The following PTTG1IP2 variants were observed in gnomAD, a reference collection of about 807,000 sequenced individuals.
PTTG1IP2 encodes PTTG1IP family member 2.
In PTTG1IP2 at chr7:90,504,559, G is replaced by T. The variant is rs868326050; in HGVS notation, c.*51-8719G>T. Among the ~76,000 whole-genome samples, 4 of 152,128 alleles carry T rather than the reference G, an allele frequency of 2.6e-5. No homozygotes were observed. In the South Asian group the frequency reaches 6.2e-4, roughly 24 times the overall value. ...GACCATACATAAATGAATGTATGTG[G>T]CTGTGTTTCAATAAATTTTTATTTA... On this transcript the variant is annotated intron_variant, in intron 6 of 6. Coordinates refer to ENST00000509356, the MANE Select transcript of PTTG1IP2 (RefSeq NM_001365443.2).
chr7:90,513,110 A>G (rs895950333), intron 6 of PTTG1IP2, among the ~76,000 whole-genome samples, 168 bp from the exon 7 acceptor site: 2 of 152,246 alleles, frequency 1.3e-5, no homozygotes, highest in Non-Finnish European at 2.9e-5. Flanking sequence ...GTTGATAATC[A>G]TTAACCATGT....
chr7:90,481,934 A>G (rs920575742), intron 2 of PTTG1IP2, among the ~76,000 whole-genome samples: 2 of 152,198 alleles, frequency 1.3e-5, no homozygotes, highest in Non-Finnish European at 2.9e-5. Flanking sequence ...GTAACATGAT[A>G]GATACTTTTT....
intron 6 of PTTG1IP2, among the ~76,000 whole-genome samples, chr7:90,501,719 A>C (rs1798063406): frequency 6.6e-6 from 1 of 152,164 alleles, no homozygotes; most frequent in South Asian, 2.1e-4. Flanking sequence ...AATCATCTGA[A>C]CATTTAGAAA....
intron 6 of PTTG1IP2, among the ~76,000 whole-genome samples, chr7:90,503,021 T>C (rs1197924206): frequency 1.3e-5 from 2 of 152,336 alleles, no homozygotes; most frequent in East Asian, 3.9e-4. Context: ...TTTGTTTATA[T>C]TGAGAATCTA....
At chr7:90,504,662 A>G (rs1454928871) in intron 6 of PTTG1IP2, among the ~76,000 whole-genome samples, 2 of 152,202 alleles carry the variant, frequency 1.3e-5, no homozygotes, top group Non-Finnish European at 2.9e-5. Context: ...CAGAAAGATC[A>G]CTGAATGGCT....
intron 6 of PTTG1IP2, among the ~76,000 whole-genome samples, chr7:90,506,215 A>T (rs575843035): frequency 6.6e-6 from 1 of 151,632 alleles, no homozygotes; most frequent in South Asian, 2.1e-4. Flanking sequence ...GTTCTATTAA[A>T]TTTTTTTTCT....
At chr7:90,476,071 A>G (rs1797745233) in intron 1 of PTTG1IP2, among the ~76,000 whole-genome samples, 2 of 152,172 alleles carry the variant, frequency 1.3e-5, no homozygotes, top group Non-Finnish European at 2.9e-5. Flanking sequence ...ACATTTGGAC[A>G]CTTGAAGAGT....
chr7:90,484,214 C>T (rs978956137), intron 2 of PTTG1IP2, among the ~76,000 whole-genome samples: 3 of 151,022 alleles, frequency 2.0e-5, no homozygotes, highest in South Asian at 2.1e-4. Context: ...TCTTTTCTTT[C>T]ACCTGGAAAA....
intron 1 of PTTG1IP2, among the ~76,000 whole-genome samples, chr7:90,473,276 G>T (rs553036473): frequency 2.4e-4 from 36 of 152,240 alleles, no homozygotes; most frequent in African/African-American, 8.4e-4. Flanking sequence ...AAGAGGGAAA[G>T]GTCTTTCACA....
chr7:90,491,333 A>G (rs1404866493), intron 4 of PTTG1IP2, among the ~76,000 whole-genome samples: 1 of 152,244 alleles, frequency 6.6e-6, no homozygotes, highest in Non-Finnish European at 1.5e-5. Flanking sequence ...AATAAGCAAG[A>G]AAGATCAGGC....
intron 1 of PTTG1IP2, among the ~76,000 whole-genome samples, chr7:90,472,719 C>T (rs1417229722): frequency 6.6e-6 from 1 of 152,140 alleles, no homozygotes; most frequent in Non-Finnish European, 1.5e-5. Flanking sequence ...AACTTCTCAG[C>T]CTCTTTCATC....
At chr7:90,487,877 C>T (rs1797894084) in intron 3 of PTTG1IP2, among the ~76,000 whole-genome samples, 1 of 152,018 alleles carries the variant, frequency 6.6e-6, no homozygotes, top group Admixed American at 6.5e-5. Context: ...TTTTTATAAG[C>T]TAGTCCTGGT....
chr7:90,482,990 A>G (rs1797830902), intron 2 of PTTG1IP2, among the ~76,000 whole-genome samples: 1 of 152,122 alleles, frequency 6.6e-6, no homozygotes, highest in Non-Finnish European at 1.5e-5. Flanking sequence ...TAAATGTCAT[A>G]CCTTACAACC....
At chr7:90,499,930 C>T (rs1448802656) in intron 6 of PTTG1IP2, among the ~76,000 whole-genome samples, 1 of 152,024 alleles carries the variant, frequency 6.6e-6, no homozygotes, top group African/African-American at 2.4e-5. Context: ...ACAATTAGTC[C>T]TCACCGGGTG....
At chr7:90,491,249 C>T (rs1383483066) in intron 4 of PTTG1IP2, among the ~76,000 whole-genome samples, 1 of 152,240 alleles carries the variant, frequency 6.6e-6, no homozygotes, top group African/African-American at 2.4e-5. Flanking sequence ...CCTTGATTGT[C>T]ATCTATTCTT....
chr7:90,491,968 T>C (rs1797943641), intron 4 of PTTG1IP2, among the ~76,000 whole-genome samples: 1 of 151,900 alleles, frequency 6.6e-6, no homozygotes, highest in South Asian at 2.1e-4. Flanking sequence ...CTGTCTCTAC[T>C]AAAAATACAA....
intron 3 of PTTG1IP2, among the ~76,000 whole-genome samples, chr7:90,488,247 G>A (rs960454956): frequency 6.6e-5 from 10 of 151,734 alleles, no homozygotes; most frequent in African/African-American, 1.9e-4. Flanking sequence ...GTTTCTTTCC[G>A]GTACTATCAG....
chr7:90,481,039 G>C (rs1164949699), intron 2 of PTTG1IP2, among the ~76,000 whole-genome samples: 1 of 152,108 alleles, frequency 6.6e-6, no homozygotes, highest in South Asian at 2.1e-4. Flanking sequence ...TTTTTTGGTA[G>C]GAATGCTTCA....
chr7:90,491,969 A>G (rs1797943673), intron 4 of PTTG1IP2, among the ~76,000 whole-genome samples: 1 of 151,970 alleles, frequency 6.6e-6, no homozygotes, highest in Non-Finnish European at 1.5e-5. Context: ...TGTCTCTACT[A>G]AAAATACAAA....
Sources: gnomAD v4.1 joint callset for allele counts (sites outside exome capture counted in the v4.1 genomes callset) on GRCh38, gnomAD v4.1.1 for gene constraint, MANE v1.5 for transcripts, NCBI Gene and HGNC (gene_info 2026-07-23, HGNC 2026-07-21) for gene names.